NIPA2: variants seen among roughly 807,000 people sequenced by gnomAD.
NIPA2 encodes NIPA magnesium transporter 2, also known as magnesium transporter NIPA2.
In NIPA2, 11 loss-of-function variants were observed where a neutral mutation model predicts 29.7. The ratio of observed to expected loss-of-function variants is 0.37; its 90% confidence interval spans 0.23 to 0.61. The LOEUF (loss-of-function observed/expected upper bound fraction) is 0.61. Ranked by LOEUF, NIPA2 falls within the 20% of genes least tolerant of loss-of-function variation. The probability of loss-of-function intolerance (pLI) is 0.66; values close to 1 mark genes in which losing one functional copy is unlikely to be tolerated. For synonymous variants in NIPA2, 183 were observed against 161.9 expected (o/e 1.13, Z -0.99); for missense variants, 426 against 437.9 (o/e 0.97, Z 0.24).
At chr15:22,856,889 T>C (rs1040320062) in intron 5 of NIPA2, among the ~76,000 whole-genome samples, 1 of 152,226 alleles carries the variant, frequency 6.6e-6, no homozygotes, top group Non-Finnish European at 1.5e-5. Flanking sequence ...GGGATCCTTT[T>C]GTGAGATCAT....
intron 2 of NIPA2, among the ~76,000 whole-genome samples, chr15:22,843,140 T>A (rs1172762406): frequency 6.6e-6 from 1 of 152,112 alleles, no homozygotes; most frequent in Non-Finnish European, 1.5e-5. Flanking sequence ...AGGCTGAGAT[T>A]GGCAGAGATG....
chr15:22,849,580 G>A, intron 3 of NIPA2, among the ~76,000 whole-genome samples: 1 of 146,022 alleles, frequency 6.8e-6, no homozygotes, highest in South Asian at 2.2e-4. Flanking sequence ...TTTTTTTTGA[G>A]ATAGAGTCTC....
At chr15:22,866,157 T>G in intron 7 of NIPA2, 56 bp from the exon 8 acceptor site, 1 of 1,423,398 alleles carries the variant, frequency 7.0e-7, no homozygotes. Context: ...TTTTGCATTC[T>G]GTGTTTAAGA....
intron 1 of NIPA2, among the ~76,000 whole-genome samples, chr15:22,839,428 C>T (rs1441011122): frequency 3.3e-5 from 5 of 152,152 alleles, no homozygotes; most frequent in Non-Finnish European, 7.4e-5. Flanking sequence ...TTCTAGAAAT[C>T]CTGTGTATAG....
At chr15:22,847,466 T>G (rs901007836) in intron 3 of NIPA2, among the ~76,000 whole-genome samples, 2 of 149,810 alleles carry the variant, frequency 1.3e-5, no homozygotes, top group South Asian at 2.1e-4. Context: ...GGATGATGAT[T>G]CTTTTTTTTT....
intron 5 of NIPA2, among the ~76,000 whole-genome samples, chr15:22,855,902 C>T (rs1036005688): frequency 3.9e-5 from 6 of 152,178 alleles, no homozygotes; most frequent in African/African-American, 1.4e-4. Context: ...TGACTCCCCT[C>T]CTGGTATTCA....
intron 5 of NIPA2, among the ~76,000 whole-genome samples, chr15:22,854,542 C>G (rs1475275668): frequency 1.3e-5 from 2 of 150,976 alleles, no homozygotes; most frequent in East Asian, 2.0e-4. Context: ...GTCAAGAGTT[C>G]AAGACCAGCC....
rs750246442 is a variant in NIPA2 at position 22,866,810 on chromosome 15, A to ATGTC, written c.1048_1051dup (p.Ser351CysfsTer16). 6.2e-6 allele frequency: 10 copies of ATGTC among 1,602,822 alleles called. No homozygotes were observed. In the Admixed American group the frequency reaches 6.8e-5, roughly 11 times the overall value. ...GGAATCGAACAACACACTGGTGAAAATGTCTCCCGAAGAAATGGAAATCTG... is the reference window on the plus strand; with the variant it reads ...GGAATCGAACAACACACTGGTGAAAATGTCTGTCTCCCGAAGAAATGGAAATCTG... On this transcript the variant is annotated frameshift_variant, in exon 8 of 8. Coordinates refer to ENST00000337451, the MANE Select transcript of NIPA2 (RefSeq NM_030922.7). LOFTEE classifies it high-confidence loss of function.
Position 22,866,610 on chromosome 15 carries a change from T to C in NIPA2, c.846T>C (p.Thr282=). 6.2e-7 allele frequency: 1 copy of C among 1,614,184 alleles called. No homozygotes were observed. Among genetic ancestry groups the C allele is most frequent in the Non-Finnish European group, 8.5e-7 (1 of 1,180,010 alleles). The change falls in exon 8 of 8, where the codon ACT becomes ACC. Residue 282 remains threonine (T), a synonymous_variant. Transcript: ENST00000337451. ...TGCCTGTTGACGATGTCATTGGTAC[T>C]TTGAGTGGCTTCTTTACAATCATTG... ...QDMPVDDVIG[T]LSGFFTIIVG...
chr15:22,849,357 C>T (rs908124421), intron 3 of NIPA2, among the ~76,000 whole-genome samples: 22 of 151,368 alleles, frequency 1.5e-4, no homozygotes, highest in African/African-American at 5.3e-4. Flanking sequence ...AAGACGGGGT[C>T]TCCAAACTCC....
chr15:22,839,966 C>T (rs1273788812), intron 2 of NIPA2, among the ~76,000 whole-genome samples, 176 bp downstream of exon 2: 1 of 152,116 alleles, frequency 6.6e-6, no homozygotes, highest in East Asian at 1.9e-4. Flanking sequence ...CTTGCTCTGT[C>T]CCCAGGCTAG....
At chr15:22,865,511 T>C (rs2058964084) in intron 7 of NIPA2, among the ~76,000 whole-genome samples, 1 of 151,954 alleles carries the variant, frequency 6.6e-6, no homozygotes, top group Non-Finnish European at 1.5e-5. Context: ...TATTACTGTG[T>C]ATTTTATTAG....
rs1898267513 is a variant in NIPA2 at position 22,845,203 on chromosome 15, G to A, written c.-158G>A. 1 of 152,184 alleles carries A rather than the reference G, an allele frequency of 6.6e-6. No homozygotes were observed. Among genetic ancestry groups the A allele is most frequent in the Admixed American group, 6.5e-5 (1 of 15,274 alleles). 9.4% of individuals were successfully genotyped at this position (152,184 alleles called of 1,614,324 possible). A position where few individuals can be genotyped will look rare whatever the true frequency, so the allele number is the denominator to read the frequency against. On this transcript the variant is annotated 5_prime_UTR_variant, in exon 3 of 8. Coordinates refer to ENST00000337451, the MANE Select transcript of NIPA2 (RefSeq NM_030922.7). The stretch of plus-strand genomic sequence containing the variant: ...GAGAGAGGGAGCAGAGTGGGACCAG[G>A]TCTGAGAATAGTGAAGCAACTCATT...
chr15:22,857,940 G>A (rs1447300041), intron 5 of NIPA2, among the ~76,000 whole-genome samples: 1 of 151,588 alleles, frequency 6.6e-6, no homozygotes, highest in Admixed American at 6.6e-5. Flanking sequence ...TTACTGTCCT[G>A]GGATATAAGT....
chr15:22,851,584 A>T (rs981194933), intron 3 of NIPA2, 55 bp from the exon 4 acceptor site: 4 of 487,872 alleles, frequency 8.2e-6, no homozygotes, highest in Non-Finnish European at 1.4e-5. Flanking sequence ...TTTGAATTGC[A>T]TGTGAGCTGT....
At chr15:22,856,404 T>A (rs2058181901) in intron 5 of NIPA2, among the ~76,000 whole-genome samples, 1 of 151,634 alleles carries the variant, frequency 6.6e-6, no homozygotes, top group Admixed American at 6.6e-5. Context: ...TTTTTTTTTC[T>A]TTTTGAGAAG....
chr15:22,848,433 G>T (rs1183197515), intron 3 of NIPA2, among the ~76,000 whole-genome samples: 2 of 152,012 alleles, frequency 1.3e-5, no homozygotes, highest in African/African-American at 2.4e-5. Context: ...TAACTATGTT[G>T]CCCAGGCTAA....
In NIPA2 at chr15:22,851,765, A is replaced by G. The variant is rs2057759781; in HGVS notation, c.34A>G (p.Ile12Val). 4 of 1,613,268 alleles carry G rather than the reference A, an allele frequency of 2.5e-6. No individual in the cohort carries two copies. The highest frequency in any genetic ancestry group is 3.4e-6 in the Non-Finnish European group (4 of 1,179,646). Residue 12 changes from isoleucine (I) to valine (V), a missense_variant, in exon 4 of 8, where the codon ATT (isoleucine) becomes GTT (valine). Around this residue, in one of 3 missense-constraint regions of NIPA2, gnomAD observed 57 missense variants for 66.6 expected, o/e 0.86. Transcript: ENST00000337451. ...GGGGCGTGGAAAATATGACTTCTAT[A>G]TTGGTCTGGGATTGGCTATGAGCTC... ...SQGRGKYDFY[I>V]GLGLAMSSSI... is the part of the protein sequence containing the mutation.
intron 3 of NIPA2, among the ~76,000 whole-genome samples, chr15:22,845,643 G>A (rs1043953423): frequency 6.6e-6 from 1 of 152,128 alleles, no homozygotes; most frequent in Non-Finnish European, 1.5e-5. Flanking sequence ...CACAGCTTAA[G>A]GTGTACCCTG....
Sources: allele counts gnomAD v4.1 joint callset (sites outside exome capture counted in the v4.1 genomes callset), GRCh38; gene constraint gnomAD v4.1.1; regional missense constraint gnomAD v4.1.1; transcripts MANE v1.5; gene names NCBI Gene and HGNC (gene_info 2026-07-23, HGNC 2026-07-21).